Variants in FCHO1 observed in about 807,000 individuals in gnomAD.
The protein encoded by FCHO1 is F-BAR domain only protein 1.
A neutral mutation model predicts 114.4 loss-of-function variants in FCHO1; 45 were observed. That is an observed-to-expected ratio of 0.39 (90% CI 0.31 to 0.50). The LOEUF (loss-of-function observed/expected upper bound fraction) is 0.50. FCHO1 is among the 20% of genes least tolerant of loss of function. The pLI, the probability that FCHO1 is intolerant of heterozygous loss-of-function variation, is 0.77. For missense variants in FCHO1, 1,042 were observed against 1,209.6 expected, an observed-to-expected ratio of 0.86 and a Z score of 2.06; for synonymous variants, 480 against 488.9, an observed-to-expected ratio of 0.98 and a Z score of 0.24.
chr19:17,748,358 C>T (rs1410673406), upstream of FCHO1, among the ~76,000 whole-genome samples: 1 of 152,186 alleles, frequency 6.6e-6, no homozygotes, highest in Non-Finnish European at 1.5e-5. Context: ...CCATCCCAGT[C>T]CTCCACCTTA....
At chr19:17,766,169 C>T (rs960977171) in intron 6 of FCHO1, among the ~76,000 whole-genome samples, 15 of 147,092 alleles carry the variant, frequency 1.0e-4, no homozygotes, top group Admixed American at 9.6e-4. Context: ...GGATTACAGG[C>T]GTGAACCATT....
chr19:17,788,029 T>C (rs1463684311), intron 28 of FCHO1, among the ~76,000 whole-genome samples, 183 bp downstream of exon 28: 1 of 152,044 alleles, frequency 6.6e-6, no homozygotes, highest in Admixed American at 6.5e-5. Context: ...TATCTGGGGC[T>C]GGCCCTTGGA....
chr19:17,751,137 G>C (rs905818943), upstream of FCHO1, among the ~76,000 whole-genome samples: 5 of 152,074 alleles, frequency 3.3e-5, no homozygotes, highest in Non-Finnish European at 7.4e-5. This position sits in a 1 kb window ranked among gnomAD's most constrained non-coding sequence, Gnocchi z 4.4. Flanking sequence ...ACCGCGCCTG[G>C]CCATGTCTTC....
At chr19:17,768,058 T>TTTTTG (rs899541339) in intron 7 of FCHO1, among the ~76,000 whole-genome samples, 3 of 152,076 alleles carry the variant, frequency 2.0e-5, no homozygotes, top group African/African-American at 7.2e-5. Context: ...TAATACTTTG[T>TTTTTG]TTTTGTTTTG....
chr19:17,788,288 G>A lies in FCHO1; in HGVS notation c.2652G>A (p.Met884Ile). The change falls in exon 29 of 29, where the codon ATG becomes ATA. Residue 884 changes from methionine to isoleucine, a missense_variant. Transcript: ENST00000596536. The stretch of plus-strand genomic sequence containing the variant: ...CTCACAGCTGCACCCCCACAGGGAT[G>A]TACCTGGTGAGCTGCTGAACCCGCA... ...SLVKRRFATGMYLVSC is the reference protein window; with the variant it reads ...SLVKRRFATGIYLVSC 6.4e-7 allele frequency: 1 copy of A among 1,557,902 alleles called. No homozygotes were observed. The highest frequency in any genetic ancestry group is 8.7e-7 in the Non-Finnish European group (1 of 1,144,002).
rs2094036256 is a variant in FCHO1 at position 17,787,776 on chromosome 19, G to A, written c.2577G>A (p.Leu859=). 2.5e-6 allele frequency: 4 copies of A among 1,611,892 alleles called. No individual in the cohort carries two copies. Among genetic ancestry groups the A allele is most frequent in the Non-Finnish European group, 3.4e-6 (4 of 1,179,488 alleles). The change falls in exon 28 of 29, where the codon CTG becomes CTA. Residue 859 remains leucine (L), a synonymous_variant. Coordinates refer to ENST00000596536, the MANE Select transcript of FCHO1 (RefSeq NM_015122.3). ...AGTTCACCAGCGAGGGGACCACTCTGTCGGGCGTGGACTTGGAACTGGTGG... is the reference window on the plus strand; with the variant it reads ...AGTTCACCAGCGAGGGGACCACTCTATCGGGCGTGGACTTGGAACTGGTGG... The part of the protein sequence containing the change: ...AAQFTSEGTT[L]SGVDLELVGS...
chr19:17,782,398 T>A (rs1003324302), intron 23 of FCHO1, among the ~76,000 whole-genome samples: 5 of 152,062 alleles, frequency 3.3e-5, no homozygotes, highest in Admixed American at 3.3e-4. Context: ...GAGACAGGGT[T>A]TCACCATGTT....
At chr19:17,768,709 CAAA>C (rs34106142) in intron 7 of FCHO1, among the ~76,000 whole-genome samples, 3 of 109,666 alleles carry the variant, frequency 2.7e-5, no homozygotes, top group Non-Finnish European at 1.8e-5. Context: ...CAAAACAAGG[CAAA>C]AAAAAAAAAA....
Position 17,775,338 on chromosome 19 carries a change from G to T in FCHO1, c.946-118G>T. 1 of 1,043,972 alleles carries T rather than the reference G, an allele frequency of 9.6e-7. No individual in the cohort carries two copies. The highest frequency in any genetic ancestry group is 1.3e-5 in the South Asian group (1 of 77,676). 64.7% of individuals were successfully genotyped at this position (1,043,972 alleles called of 1,614,324 possible). On this transcript the variant is annotated intron_variant, in intron 14 of 28. Transcript: ENST00000596536. This position sits in a 1 kb window ranked among gnomAD's most constrained non-coding sequence, Gnocchi z 5.1. ...CCAGGGAAGACAGTCGTTGCCATCA[G>T]GGTTGGTTTTGAGGTCTGAGTCAAG...
In FCHO1 at chr19:17,776,861, G is replaced by A. The variant is rs371388589; in HGVS notation, c.1259+175G>A. 3.3e-5 allele frequency among the ~76,000 whole-genome samples: 5 copies of A among 152,072 alleles called. No homozygotes were observed. Among genetic ancestry groups the A allele is most frequent in the East Asian group, 3.9e-4 (2 of 5,154 alleles). ...CACTCTGTCACCCAGGCTGGAGTGC[G>A]ATTTCAGCTCACTGCAACCTCCACC... On this transcript the variant is annotated intron_variant, in intron 18 of 28. Transcript: ENST00000596536. The surrounding 1 kb of genome is among the most constrained non-coding windows in gnomAD (Gnocchi z 4.4).
chr19:17,781,374 T>G (rs112058584), intron 21 of FCHO1, 31 bp downstream of exon 21: 40 of 1,608,910 alleles, frequency 2.5e-5, no homozygotes, highest in Non-Finnish European at 3.1e-5. Context: ...GGAGCTGGAC[T>G]GGGGGTCGCG....
intron 19 of FCHO1, 88 bp from the exon 20 acceptor site, chr19:17,778,521 C>T (rs1448783128): frequency 1.6e-5 from 23 of 1,426,756 alleles, no homozygotes; most frequent in Non-Finnish European, 2.0e-5. Context: ...CCCTGACCTT[C>T]CCTCGACGTG....
chr19:17,778,086 G>A (rs758008014), intron 18 of FCHO1, 51 bp from the exon 19 acceptor site: 2 of 1,384,790 alleles, frequency 1.4e-6, no homozygotes, highest in Non-Finnish European at 2.1e-6. Context: ...CCCAGGGTGG[G>A]ATGAGGCTTG....
Position 17,761,401 on chromosome 19 carries a change from C to CTT in FCHO1, c.28-1350_28-1349dup, listed in dbSNP as rs11452853. Among the ~76,000 whole-genome samples, 305 of 145,704 alleles carry CTT rather than the reference C, an allele frequency of 2.1e-3. 1 individual carries two copies. The highest frequency in any genetic ancestry group is 0.012 in the East Asian group (60 of 5,046). ...TGATCCAGCAACTCAATTTAACACA[C>CTT]TTTTTTTTTTTTGTAGCTAGTATAA... is the stretch of plus-strand genomic sequence containing the variant. On this transcript the variant is annotated intron_variant, in intron 4 of 28. Transcript: ENST00000596536.
At chr19:17,764,805 C>G (rs1190593631) in intron 6 of FCHO1, among the ~76,000 whole-genome samples, 1 of 150,950 alleles carries the variant, frequency 6.6e-6, no homozygotes, top group Admixed American at 6.6e-5. Context: ...GTGGCTCATG[C>G]CTGTACTCCC....
chr19:17,767,516 A>C (rs952090047), intron 7 of FCHO1, among the ~76,000 whole-genome samples: 3 of 139,686 alleles, frequency 2.1e-5, no homozygotes, highest in Non-Finnish European at 3.0e-5. Flanking sequence ...GCAGTGAGCC[A>C]TGATCATGCC....
In FCHO1 at chr19:17,776,814, T is replaced by A; in HGVS notation, c.1259+128T>A. On this transcript the variant is annotated intron_variant, in intron 18 of 28. Transcript: ENST00000596536. The surrounding 1 kb of genome is among the most constrained non-coding windows in gnomAD (Gnocchi z 4.4). The stretch of plus-strand genomic sequence containing the variant: ...TCATGCTGGGGTTTTTTTGTTTTTG[T>A]TTTTGTTTTGAGACAGAGTCTCACT... 2.2e-6 allele frequency: 2 copies of A among 905,010 alleles called. No individual in the cohort carries two copies. The highest frequency in any genetic ancestry group is 3.4e-6 in the Non-Finnish European group (2 of 593,632). 56.1% of individuals were successfully genotyped at this position (905,010 alleles called of 1,614,324 possible). A position where few individuals can be genotyped will look rare whatever the true frequency, so the allele number is the denominator to read the frequency against.
At chr19:17,781,870 G>T (rs2093444086) in intron 23 of FCHO1, 50 bp downstream of exon 23, 1 of 1,255,034 alleles carries the variant, frequency 8.0e-7, no homozygotes, top group Non-Finnish European at 1.1e-6. Context: ...TGTTGGGGGA[G>T]TCCAGCAGGG....
rs940717620 is a variant in FCHO1, at chr19:17,771,007, A to G, written c.594+111A>G. ...GGTGGCTCACACCTGTAATCCCAGCACTTTGGGAGGCCGAGGCGGGAGGAT... is the reference window on the plus strand; with the variant it reads ...GGTGGCTCACACCTGTAATCCCAGCGCTTTGGGAGGCCGAGGCGGGAGGAT... On this transcript the variant is annotated intron_variant, in intron 9 of 28. Coordinates refer to ENST00000596536, the MANE Select transcript of FCHO1 (RefSeq NM_015122.3). The G allele has an allele frequency of 4.3e-4, 389 of 897,648 alleles. No homozygotes were observed. In the African/African-American group the frequency reaches 6.0e-3, roughly 14 times the overall value. 55.6% of individuals were successfully genotyped at this position (897,648 alleles called of 1,614,324 possible).
Sources: allele counts gnomAD v4.1 joint callset (sites outside exome capture counted in the v4.1 genomes callset), GRCh38; gene constraint gnomAD v4.1.1; non-coding constraint Gnocchi (gnomAD v3.1); transcripts MANE v1.5; gene names NCBI Gene and HGNC (gene_info 2026-07-23, HGNC 2026-07-21).